Variants in NOP2 observed in about 807,000 individuals in gnomAD.
NOP2 encodes 28S rRNA (cytosine(4447)-C(5))-methyltransferase.
Under a neutral mutation model 72.7 loss-of-function variants are expected in NOP2, and 7 were observed. The observed-to-expected ratio is 0.10, with a 90% CI of 0.05 to 0.18. The LOEUF (loss-of-function observed/expected upper bound fraction) is 0.18. Ranked by LOEUF, NOP2 falls within the 10% of genes least tolerant of loss-of-function variation. NOP2 has a pLI of 1.00. For synonymous variants in NOP2, 387 were observed against 388.0 expected (o/e 1.00, Z 0.03); for missense variants, 954 against 1,014.7 (o/e 0.94, Z 0.81).
Position 6,560,031 on chromosome 12 carries a change from AC to A in NOP2, c.1789+66del. The A allele has an allele frequency of 1.7e-6, 2 of 1,181,614 alleles. No individual in the cohort carries two copies. Among genetic ancestry groups the A allele is most frequent in the Non-Finnish European group, 2.5e-6 (2 of 800,552 alleles). The allele number at this position is 1,181,614 out of a possible 1,614,324, so 73.2% of individuals were successfully genotyped here. ...CTTTCCTTTCCCTTCCTCTTGTCAC[AC>A]CATAAAGCCTCCTGAAAGGTGGAAA... On this transcript the variant is annotated intron_variant, in intron 15 of 15. Transcript: ENST00000322166. The surrounding 1 kb of genome is among the most constrained non-coding windows in gnomAD (Gnocchi z 5.0).
chr12:6,561,519 G>A (rs923063554), intron 11 of NOP2, 145 bp downstream of exon 11: 32 of 981,010 alleles, frequency 3.3e-5, no homozygotes, highest in African/African-American at 2.4e-4. Flanking sequence ...AACCCAGGCC[G>A]ACTCCAGAAA....
At chr12:6,563,583 CCTAA>C (rs1947703740) in intron 7 of NOP2, 27 bp downstream of exon 7, 2 of 1,608,416 alleles carry the variant, frequency 1.2e-6, no homozygotes, top group African/African-American at 2.7e-5. Flanking sequence ...CCACCTTCCT[CCTAA>C]CTCTTCACTC....
At chr12:6,567,744 A>T (rs71584871) in intron 2 of NOP2, 72 bp downstream of exon 2, 1 of 1,199,080 alleles carries the variant, frequency 8.3e-7, no homozygotes, top group Non-Finnish European at 1.2e-6. Flanking sequence ...AACAGAAACT[A>T]AAAAAGAGAA....
At chr12:6,562,236 C>T (rs530874575) in intron 9 of NOP2, among the ~76,000 whole-genome samples, 2 of 152,180 alleles carry the variant, frequency 1.3e-5, no homozygotes, top group Admixed American at 6.5e-5. Flanking sequence ...GTGATCTGCC[C>T]GCCTCGGCCT....
Position 6,567,928 on chromosome 12 carries a change from G to A in NOP2, c.-4-6C>T. On this transcript the variant is annotated splice_polypyrimidine_tract_variant and splice_region_variant and intron_variant, in intron 1 of 15. Coordinates refer to ENST00000322166, the MANE Select transcript of NOP2 (RefSeq NM_001258308.2). ...CCAACTTGCGCCCCATGGTACTGTG[G>A]CAGGCAGAAATGGGAGAAGGTGGCG... 1 of 1,610,802 alleles carries A rather than the reference G, an allele frequency of 6.2e-7. No individual in the cohort carries two copies. The highest frequency in any genetic ancestry group is 8.5e-7 in the Non-Finnish European group (1 of 1,177,858).
intron 9 of NOP2, 102 bp downstream of exon 9, chr12:6,562,979 G>A: frequency 1.7e-6 from 2 of 1,172,680 alleles, no homozygotes; most frequent in South Asian, 1.3e-5. Flanking sequence ...TCATGCTTAG[G>A]TCCTAAGGCC....
In NOP2 at chr12:6,566,098, C is replaced by T. The variant is rs766177284; in HGVS notation, c.474+3G>A. 6 of 1,605,990 alleles carry T rather than the reference C, an allele frequency of 3.7e-6. No individual in the cohort carries two copies. Among genetic ancestry groups the T allele is most frequent in the Admixed American group, 1.7e-5 (1 of 59,614 alleles). On this transcript the variant is annotated splice_donor_region_variant and intron_variant, in intron 5 of 15. Transcript: ENST00000322166. ...TATGAATGCCCAAAAAGATGAATCT[C>T]ACCGCTTCACCTTCCTCCTCATCCT...
chr12:6,557,567 G>C lies in NOP2; in HGVS notation c.1865C>G (p.Pro622Arg). The C allele has an allele frequency of 6.2e-7, 1 of 1,613,906 alleles. No individual in the cohort carries two copies. The highest frequency in any genetic ancestry group is 8.5e-7 in the Non-Finnish European group (1 of 1,179,858). Residue 622 changes from proline (P) to arginine (R), a missense_variant, in exon 16 of 16, where the codon CCA becomes CGA. Coordinates refer to ENST00000322166, the MANE Select transcript of NOP2 (RefSeq NM_001258308.2). ...TGCAGCCCCCTTGGCTTTCTTGGCT[G>C]GCTGGCTGCTGTTCTCAGACTTGGG... ...VIPKSENSSQPAKKAKGAAKT... is the reference protein window; with the variant it reads ...VIPKSENSSQRAKKAKGAAKT...
rs1947616469 is a variant in NOP2 at position 6,560,517 on chromosome 12, C to T, written c.1490G>A (p.Ser497Asn). ...CAHLQKELLLSAIDSVNATSK... is the reference protein window; with the variant it reads ...CAHLQKELLLNAIDSVNATSK... ...GGTCGCATTGACAGAGTCAATAGCA[C>T]TCAGGAGCAACTCCTTCTGGAGGTG... The change falls in exon 14 of 16, where the codon AGT (serine) becomes AAT (asparagine). Residue 497 changes from serine (S) to asparagine (N), a missense_variant. Coordinates refer to ENST00000322166, the MANE Select transcript of NOP2 (RefSeq NM_001258308.2). This position sits in a 1 kb window ranked among gnomAD's most constrained non-coding sequence, Gnocchi z 5.0. 4 of 1,605,370 alleles carry T rather than the reference C, an allele frequency of 2.5e-6. No homozygotes were observed. Among genetic ancestry groups the T allele is most frequent in the East Asian group, 2.2e-5 (1 of 44,636 alleles).
chr12:6,566,318 A>T lies in NOP2; in HGVS notation c.257T>A (p.Val86Asp). The change falls in exon 5 of 16, where the codon GTC becomes GAC. Residue 86 changes from valine to aspartate, a missense_variant. By Grantham distance (152) the Val-to-Asp change is radical. This residue lies in a region of NOP2 where 498 missense variants were observed against 478.3 expected (regional missense o/e 1.04). Coordinates refer to ENST00000322166, the MANE Select transcript of NOP2 (RefSeq NM_001258308.2). ...GGGTCCCTTCTTACCAGCTGTCTGG[A>T]CAGCTCCTGCAGAGATCCCTAAGGG... ...KLPKGISAGA[V>D]QTAGKKGPQS... is the part of the protein sequence containing the mutation. The T allele has an allele frequency of 6.2e-7, 1 of 1,613,558 alleles. No homozygotes were observed.
chr12:6,560,196 C>G lies in NOP2; in HGVS notation c.1691G>C (p.Arg564Pro), dbSNP rs777348075. 2.5e-6 allele frequency: 4 copies of G among 1,613,814 alleles called. No homozygotes were observed. The African/African-American group carries it at 5.3e-5, about 22-fold the overall frequency. ...ATGAGGGTAGAAGCGTCGGGTAGAA[C>G]GCAGACTGGGGTGGAAGCGCCTTTC... ...FRERRFHPSLRSTRRFYPHTH... is the reference protein window; with the variant it reads ...FRERRFHPSLPSTRRFYPHTH... Residue 564 changes from arginine (R) to proline (P), a missense_variant, in exon 15 of 16, where the codon CGT (arginine) becomes CCT (proline). By Grantham distance (103) the Arg-to-Pro change is moderately radical (BLOSUM62 -2). Transcript: ENST00000322166. This position sits in a 1 kb window ranked among gnomAD's most constrained non-coding sequence, Gnocchi z 5.0.
At position 6,556,919 on chromosome 12, in the gene NOP2, A is replaced by G; in HGVS notation, c.*74T>C. 6.5e-7 allele frequency: 1 copy of G among 1,538,622 alleles called. No homozygotes were observed. Among genetic ancestry groups the G allele is most frequent in the Admixed American group, 1.9e-5 (1 of 51,412 alleles). On this transcript the variant is annotated 3_prime_UTR_variant, in exon 16 of 16. Coordinates refer to ENST00000322166, the MANE Select transcript of NOP2 (RefSeq NM_001258308.2). ...AATTTCATGGGTATGCACAGTAGAG[A>G]AGGCATCCTCACAGAGGCAAGAGTT...
intron 2 of NOP2, 128 bp downstream of exon 2, chr12:6,567,688 C>G (rs531247315): frequency 1.4e-6 from 1 of 702,620 alleles, no homozygotes; most frequent in Non-Finnish European, 2.4e-6. Context: ...TTCATTCATA[C>G]CTCCTAGTAA....
intron 9 of NOP2, 30 bp downstream of exon 9, chr12:6,563,051 G>A: frequency 6.4e-7 from 1 of 1,553,014 alleles, no homozygotes; most frequent in Non-Finnish European, 8.7e-7. Flanking sequence ...TCCCTTCTGA[G>A]ATGAGTGAGC....
Position 6,566,826 on chromosome 12 carries a change from T to C in NOP2, c.104-4A>G, listed in dbSNP as rs1242909761. On this transcript the variant is annotated splice_polypyrimidine_tract_variant and splice_region_variant and intron_variant, in intron 2 of 15. Coordinates refer to ENST00000322166, the MANE Select transcript of NOP2 (RefSeq NM_001258308.2). ...CTCTTGGAATTTTCGTCACTTACTG[T>C]TTAAAAAAGAAAAACGAGGCAGAAC... 2 of 1,610,302 alleles carry C rather than the reference T, an allele frequency of 1.2e-6. No individual in the cohort carries two copies. The highest frequency in any genetic ancestry group is 2.7e-5 in the African/African-American group (2 of 74,972).
At chr12:6,557,942 A>G in intron 15 of NOP2, 1 of 392,094 alleles carries the variant, frequency 2.6e-6, no homozygotes, top group Non-Finnish European at 4.7e-6. Context: ...CAGGAGTTCA[A>G]GACCAGCCTA....
At chr12:6,565,025 C>G (rs2136177373) in intron 5 of NOP2, among the ~76,000 whole-genome samples, 1 of 152,206 alleles carries the variant, frequency 6.6e-6, no homozygotes, top group African/African-American at 2.4e-5. Flanking sequence ...TCTTTTTATT[C>G]TATACGATTC....
In NOP2 at chr12:6,561,076, G is replaced by A. The variant is rs1421576046; in HGVS notation, c.1208-6C>T. ...CGTGTTCTTCATCAGCTGGGCTAAA[G>A]AGAGGGCAGTAACAGTGCTGATCAG... On this transcript the variant is annotated splice_polypyrimidine_tract_variant and splice_region_variant and intron_variant, in intron 11 of 15. Coordinates refer to ENST00000322166, the MANE Select transcript of NOP2 (RefSeq NM_001258308.2). 5.0e-6 allele frequency: 8 copies of A among 1,613,930 alleles called. No homozygotes were observed. The South Asian group carries it at 8.8e-5, about 18-fold the overall frequency.
At position 6,560,005 on chromosome 12, in the gene NOP2, TCTTTC is replaced by T; in HGVS notation, c.1789+88_1789+92del. 2 of 919,246 alleles carry T rather than the reference TCTTTC, an allele frequency of 2.2e-6. No individual in the cohort carries two copies. The highest frequency in any genetic ancestry group is 3.1e-5 in the South Asian group (2 of 65,022). The allele number at this position is 919,246 out of a possible 1,614,324, so 56.9% of individuals were successfully genotyped here. A position where few individuals can be genotyped will look rare whatever the true frequency, so the allele number is the denominator to read the frequency against. On this transcript the variant is annotated intron_variant, in intron 15 of 15. Coordinates refer to ENST00000322166, the MANE Select transcript of NOP2 (RefSeq NM_001258308.2). This position sits in a 1 kb window ranked among gnomAD's most constrained non-coding sequence, Gnocchi z 5.0. ...AAGGCTGGAGTAAGGGATGCATGAA[TCTTTC>T]CTTTCCCTTCCTCTTGTCACACCAT...
Sources: allele counts gnomAD v4.1 joint callset (sites outside exome capture counted in the v4.1 genomes callset), GRCh38; gene constraint gnomAD v4.1.1; regional missense constraint gnomAD v4.1.1; non-coding constraint Gnocchi (gnomAD v3.1); transcripts MANE v1.5; gene names NCBI Gene and HGNC (gene_info 2026-07-23, HGNC 2026-07-21).